Variants in HS3ST4 observed in about 807,000 individuals in gnomAD.
The protein encoded by HS3ST4 is heparan sulfate-glucosamine 3-sulfotransferase 4.
In HS3ST4, 17 loss-of-function variants were observed where a neutral mutation model predicts 29.2. That is an observed-to-expected ratio of 0.58 (90% CI 0.40 to 0.87). The LOEUF (loss-of-function observed/expected upper bound fraction) is 0.87, where lower values mean the gene tolerates loss of function less well. Among genes scored for constraint, HS3ST4 ranks in the 40% least tolerant of loss-of-function variants. HS3ST4 has a pLI of 0.00. For synonymous variants in HS3ST4, 314 were observed against 285.7 expected (o/e 1.10, Z -1.00); for missense variants, 627 against 634.5 (o/e 0.99, Z 0.13).
At chr16:25,752,215 G>A (rs1006755900) in intron 1 of HS3ST4, among the ~76,000 whole-genome samples, 1 of 152,144 alleles carries the variant, frequency 6.6e-6, no homozygotes, top group Non-Finnish European at 1.5e-5. Flanking sequence ...TCAAGTCAAG[G>A]TGTTGGGCTC....
chr16:25,745,017 A>C (rs147927364), intron 1 of HS3ST4, among the ~76,000 whole-genome samples: 1 of 124,226 alleles, frequency 8.0e-6, no homozygotes, highest in East Asian at 2.5e-4. Flanking sequence ...AATAGAGAAG[A>C]GATAAAGAAG....
At chr16:26,131,465 G>A (rs8062398) in intron 1 of HS3ST4, among the ~76,000 whole-genome samples, 80,033 of 151,960 alleles carry the variant, frequency 0.53, 21,913 homozygotes, top group African/African-American at 0.68. Context: ...GCCCTCCAGC[G>A]TTACTGGTCT....
chr16:25,800,766 A>G (rs1276411368), intron 1 of HS3ST4, among the ~76,000 whole-genome samples: 1 of 152,090 alleles, frequency 6.6e-6, no homozygotes, highest in Non-Finnish European at 1.5e-5. Context: ...TGATGAGGGC[A>G]GAGCCCTCAT....
intron 1 of HS3ST4, among the ~76,000 whole-genome samples, chr16:25,925,326 G>A (rs1227633458): frequency 6.6e-6 from 1 of 151,944 alleles, no homozygotes; most frequent in Non-Finnish European, 1.5e-5. Context: ...AAAGAGGAAG[G>A]CAGGGGCAGC....
intron 1 of HS3ST4, among the ~76,000 whole-genome samples, chr16:25,705,031 CCTA>C (rs1966366174): frequency 6.6e-6 from 1 of 152,092 alleles, no homozygotes; most frequent in Admixed American, 6.5e-5. Context: ...TGGGTGCCTT[CCTA>C]CTATTCCTGG....
intron 1 of HS3ST4, among the ~76,000 whole-genome samples, chr16:25,861,465 G>A (rs944519934): frequency 6.6e-6 from 1 of 152,170 alleles, no homozygotes; most frequent in Non-Finnish European, 1.5e-5. Flanking sequence ...AGACTTAACT[G>A]TAATATTTTA....
At chr16:26,002,743 AAGAG>A (rs945546038) in intron 1 of HS3ST4, among the ~76,000 whole-genome samples, 1 of 150,954 alleles carries the variant, frequency 6.6e-6, no homozygotes, top group Non-Finnish European at 1.5e-5. Flanking sequence ...GAGAGAGGGA[AAGAG>A]AGAAAGAAAG....
At chr16:25,961,381 A>C (rs1415624719) in intron 1 of HS3ST4, among the ~76,000 whole-genome samples, 2 of 152,134 alleles carry the variant, frequency 1.3e-5, no homozygotes, top group African/African-American at 4.8e-5. Context: ...GGCATTTGCA[A>C]CTCATGCCTT....
chr16:25,696,892 A>C (rs1358069921), intron 1 of HS3ST4, among the ~76,000 whole-genome samples: 1 of 152,158 alleles, frequency 6.6e-6, no homozygotes, highest in Admixed American at 6.5e-5. Context: ...CTGTTATTTC[A>C]TTTGAGCATT....
intron 1 of HS3ST4, among the ~76,000 whole-genome samples, chr16:25,791,210 G>T (rs976813921): frequency 2.0e-5 from 3 of 151,906 alleles, no homozygotes; most frequent in African/African-American, 7.3e-5. Context: ...ATGTTTGTGG[G>T]GCTATATCTG....
intron 1 of HS3ST4, among the ~76,000 whole-genome samples, chr16:25,948,735 G>A (rs916130822): frequency 6.6e-6 from 1 of 152,058 alleles, no homozygotes; most frequent in Non-Finnish European, 1.5e-5. Flanking sequence ...TAATGCTGAT[G>A]GCTGCTGCAG....
chr16:25,991,806 G>C (rs1969116241), intron 1 of HS3ST4, among the ~76,000 whole-genome samples: 1 of 152,158 alleles, frequency 6.6e-6, no homozygotes. Context: ...TGGATCACAA[G>C]GTCAGGAGAT....
At chr16:25,827,455 A>C (rs1967230700) in intron 1 of HS3ST4, among the ~76,000 whole-genome samples, 1 of 151,704 alleles carries the variant, frequency 6.6e-6, no homozygotes, top group South Asian at 2.1e-4. Flanking sequence ...CAGTTCCCCA[A>C]ATTCCTTTGA....
At chr16:25,705,761 T>C (rs1966372155) in intron 1 of HS3ST4, among the ~76,000 whole-genome samples, 1 of 152,208 alleles carries the variant, frequency 6.6e-6, no homozygotes, top group Non-Finnish European at 1.5e-5. Context: ...CTGCACCTTG[T>C]GGGACTTGTT....
At chr16:25,722,537 G>A (rs1966504801) in intron 1 of HS3ST4, among the ~76,000 whole-genome samples, 1 of 152,200 alleles carries the variant, frequency 6.6e-6, no homozygotes, top group South Asian at 2.1e-4. Flanking sequence ...TACCGGGCCA[G>A]GGCATATGGA....
intron 1 of HS3ST4, among the ~76,000 whole-genome samples, chr16:25,716,986 G>A (rs1233618985): frequency 6.6e-6 from 1 of 152,056 alleles, no homozygotes; most frequent in Non-Finnish European, 1.5e-5. Context: ...CCTGGGAGGT[G>A]GAGGTCACAG....
chr16:25,910,323 TG>T, intron 1 of HS3ST4, among the ~76,000 whole-genome samples: 1 of 152,246 alleles, frequency 6.6e-6, no homozygotes, highest in East Asian at 1.9e-4. Context: ...TCAGAGTCCA[TG>T]AAACATTGGA....
chr16:26,009,612 C>T (rs533998584), intron 1 of HS3ST4, among the ~76,000 whole-genome samples: 14 of 152,310 alleles, frequency 9.2e-5, no homozygotes, highest in Admixed American at 3.9e-4. Flanking sequence ...CAGGTGGATG[C>T]AAGCACTGCC....
intron 1 of HS3ST4, among the ~76,000 whole-genome samples, chr16:25,765,075 C>T (rs17774844): frequency 0.06 from 9,080 of 152,232 alleles, 392 homozygotes; most frequent in East Asian, 0.15. Flanking sequence ...CTCTCTTGAC[C>T]ATTGGAGCAT....
Sources: gnomAD v4.1 joint callset for allele counts (sites outside exome capture counted in the v4.1 genomes callset) on GRCh38, gnomAD v4.1.1 for gene constraint, MANE v1.5 for transcripts, NCBI Gene and HGNC (gene_info 2026-07-23, HGNC 2026-07-21) for gene names.